TULP4: variants seen among roughly 807,000 people sequenced by gnomAD.
TULP4 encodes the protein TUB like protein 4, also known as tubby-related protein 4.
A neutral mutation model predicts 129.0 loss-of-function variants in TULP4; 16 were observed. The ratio of observed to expected loss-of-function variants is 0.12; its 90% CI spans 0.08 to 0.19. The LOEUF is 0.19. Ranked by LOEUF, TULP4 falls within the 10% of genes least tolerant of loss-of-function variation. The pLI is 1.00. For missense variants in TULP4, 1,842 were observed against 2,059.1 expected, an observed-to-expected ratio of 0.89 and a Z score of 2.04; for synonymous variants, 998 against 854.0, an observed-to-expected ratio of 1.17 and a Z score of -2.94.
intron 6 of TULP4, among the ~76,000 whole-genome samples, chr6:158,468,506 C>A (rs1371414720): frequency 6.6e-6 from 1 of 152,172 alleles, no homozygotes; most frequent in Non-Finnish European, 1.5e-5. Flanking sequence ...TTTATATTAT[C>A]TCTTGGTTTC....
At chr6:158,245,663 C>T (rs1249703277) in intron 1 of TULP4, among the ~76,000 whole-genome samples, 1 of 152,072 alleles carries the variant, frequency 6.6e-6, no homozygotes, top group Non-Finnish European at 1.5e-5. Flanking sequence ...TAGGAAATAA[C>T]CTTAGACAAG....
At chr6:158,365,190 T>C (rs1019436759) in intron 1 of TULP4, among the ~76,000 whole-genome samples, 7 of 152,092 alleles carry the variant, frequency 4.6e-5, no homozygotes, top group Non-Finnish European at 8.8e-5. Context: ...CTACTAGATG[T>C]GTTTCTTTTC....
chr6:158,238,316 G>C, intron 1 of TULP4: 1 of 906,522 alleles, frequency 1.1e-6, no homozygotes, highest in Non-Finnish European at 1.8e-6. Flanking sequence ...GTTAACATAG[G>C]TGAGAGATGC....
At chr6:158,370,919 G>A (rs1324160277) in intron 1 of TULP4, among the ~76,000 whole-genome samples, 2 of 152,208 alleles carry the variant, frequency 1.3e-5, no homozygotes, top group African/African-American at 4.8e-5. Flanking sequence ...GACATCCACT[G>A]TTTTTGACAT....
intron 1 of TULP4, among the ~76,000 whole-genome samples, chr6:158,241,144 C>T (rs1417698595): frequency 1.0e-4 from 13 of 124,836 alleles, no homozygotes; most frequent in Admixed American, 3.5e-4. Flanking sequence ...ACATCTCAGA[C>T]GATGGGCGGC....
chr6:158,370,471 A>AG (rs1583806852), intron 1 of TULP4, among the ~76,000 whole-genome samples: 2 of 150,404 alleles, frequency 1.3e-5, no homozygotes, highest in East Asian at 3.9e-4. Flanking sequence ...AAAAAAAAAA[A>AG]AAAAAAAAAA....
chr6:158,392,357 G>A lies in TULP4; in HGVS notation c.253-20708G>A, dbSNP rs551559886. 2.2e-3 allele frequency among the ~76,000 whole-genome samples: 342 copies of A among 152,286 alleles called. 3 individuals carry two copies. The highest frequency in any genetic ancestry group is 7.7e-3 in the African/African-American group (319 of 41,572). ...TGGGAATTCAAGATGAGATTTGGGT[G>A]GAGACACAGCCAAACCACATCATGA... On this transcript the variant is annotated intron_variant, in intron 1 of 13. Transcript: ENST00000367097.
intron 1 of TULP4, among the ~76,000 whole-genome samples, chr6:158,300,214 T>G (rs1033171366): frequency 3.9e-5 from 6 of 152,208 alleles, no homozygotes; most frequent in African/African-American, 1.2e-4. Flanking sequence ...GATGATCTCC[T>G]GGTGAAACAC....
At chr6:158,274,214 C>T (rs1330755423) in intron 1 of TULP4, among the ~76,000 whole-genome samples, 2 of 152,016 alleles carry the variant, frequency 1.3e-5, no homozygotes, top group African/African-American at 4.8e-5. Flanking sequence ...GCCAAGATCA[C>T]ACCACAGCAC....
chr6:158,291,875 C>T (rs1778948532), intron 1 of TULP4, among the ~76,000 whole-genome samples: 1 of 152,126 alleles, frequency 6.6e-6, no homozygotes, highest in Non-Finnish European at 1.5e-5. Context: ...TTCTTTCTGG[C>T]ATTTTAGATA....
At chr6:158,414,552 G>T (rs1778165120) in intron 2 of TULP4, among the ~76,000 whole-genome samples, 2 of 152,346 alleles carry the variant, frequency 1.3e-5, no homozygotes, top group South Asian at 4.1e-4. Flanking sequence ...CCCTGAAGCA[G>T]TAGCCATAGG....
upstream of TULP4, among the ~76,000 whole-genome samples, chr6:158,281,951 G>T (rs1778761619): frequency 6.6e-6 from 1 of 152,072 alleles, no homozygotes. Flanking sequence ...GATAAGATTT[G>T]TGTAATCTAT....
rs1780468033 is a variant in TULP4 at position 158,502,247 on chromosome 6, G to T, written c.2584G>T (p.Asp862Tyr). 51 of 1,595,798 alleles carry T rather than the reference G, an allele frequency of 3.2e-5. No individual in the cohort carries two copies. The highest frequency in any genetic ancestry group is 4.2e-5 in the Non-Finnish European group (49 of 1,168,850). Residue 862 changes from aspartate to tyrosine, a missense_variant, in exon 13 of 14, where the codon GAT (aspartate) becomes TAT (tyrosine). Physicochemically the swap from Asp to Tyr is radical, Grantham distance 160 (BLOSUM62 -3). This residue lies in a region of TULP4 where 1,089 missense variants were observed against 987.1 expected (regional missense o/e 1.10). Transcript: ENST00000367097. ...PPLPPPQPPV[D>Y]VCLKKGDFSL... The stretch of plus-strand genomic sequence containing the variant: ...TCTGCCGCCCCCACAGCCCCCAGTG[G>T]ATGTGTGCTTGAAGAAGGGCGACTT...
intron 1 of TULP4, among the ~76,000 whole-genome samples, chr6:158,241,040 G>A (rs1463343301): frequency 2.2e-5 from 3 of 138,012 alleles, no homozygotes; most frequent in Admixed American, 1.5e-4. Flanking sequence ...TGGGGCGGCC[G>A]GGTAGAGACG....
chr6:158,438,104 T>C (rs1022696328), intron 3 of TULP4: 2 of 152,178 alleles, frequency 1.3e-5, no homozygotes, highest in African/African-American at 2.4e-5. Context: ...TCATAAAAAG[T>C]AAATGACTCT....
chr6:158,504,507 C>T (rs1048504355), intron 13 of TULP4, among the ~76,000 whole-genome samples: 2 of 149,426 alleles, frequency 1.3e-5, no homozygotes, highest in Non-Finnish European at 3.0e-5. Context: ...CCACCATGCC[C>T]GGCTAATTTT....
At chr6:158,309,017 TG>T, upstream of TULP4, among the ~76,000 whole-genome samples, 1 of 140,214 alleles carries the variant, frequency 7.1e-6, no homozygotes, top group African/African-American at 2.7e-5. Flanking sequence ...ACAGGGCGGC[TG>T]GCCTGGCGGG....
At chr6:158,483,442 C>T (rs977500265) in intron 8 of TULP4, among the ~76,000 whole-genome samples, 3 of 152,142 alleles carry the variant, frequency 2.0e-5, no homozygotes, top group African/African-American at 2.4e-5. Context: ...AAGCGATCCT[C>T]CCACCTCAGC....
intron 1 of TULP4, among the ~76,000 whole-genome samples, chr6:158,251,587 T>G (rs1315516202): frequency 6.6e-6 from 1 of 152,242 alleles, no homozygotes; most frequent in African/African-American, 2.4e-5. Context: ...TTGGCTCTAA[T>G]GTAAACTGCT....
Sources: allele counts gnomAD v4.1 joint callset (sites outside exome capture counted in the v4.1 genomes callset), GRCh38; gene constraint gnomAD v4.1.1; regional missense constraint gnomAD v4.1.1; transcripts MANE v1.5; gene names NCBI Gene and HGNC (gene_info 2026-07-23, HGNC 2026-07-21).